The following LPP variants were observed in gnomAD, a reference collection of about 807,000 sequenced individuals.
The protein encoded by LPP is LIM domain containing preferred translocation partner in lipoma.
LPP carries 38 observed loss-of-function variants against 60.4 expected under a neutral mutation model. The observed-to-expected ratio is 0.63, with a 90% CI of 0.49 to 0.83. The LOEUF is 0.83. Among genes scored for constraint, LPP ranks in the 40% least tolerant of loss-of-function variants. The pLI is 0.00. For missense variants in LPP, 902 were observed against 783.6 expected, an observed-to-expected ratio of 1.15 and a Z score of -1.80; for synonymous variants, 328 against 290.8, an observed-to-expected ratio of 1.13 and a Z score of -1.30.
intron 1 of LPP, among the ~76,000 whole-genome samples, chr3:188,167,538 C>CAAA (rs145648006): frequency 1.3e-5 from 2 of 150,302 alleles, no homozygotes; most frequent in African/African-American, 4.9e-5. Context: ...CAAAACAAAA[C>CAAA]AAAGGCCTGC....
At chr3:188,843,378 G>A (rs1434350371) in intron 9 of LPP, among the ~76,000 whole-genome samples, 1 of 152,140 alleles carries the variant, frequency 6.6e-6, no homozygotes, top group African/African-American at 2.4e-5. Flanking sequence ...CTCTGCGCTG[G>A]CTTGGCAGTG....
chr3:188,404,617 G>T (rs1783006087), intron 3 of LPP, among the ~76,000 whole-genome samples: 2 of 152,130 alleles, frequency 1.3e-5, no homozygotes, highest in Admixed American at 1.3e-4. Context: ...CTTGTTGGTG[G>T]TGTGGACTGA....
chr3:188,747,537 A>G (rs7633130), intron 8 of LPP, among the ~76,000 whole-genome samples: 143,946 of 152,266 alleles, frequency 0.95, 68,063 homozygotes, highest in East Asian at 1. Context: ...TTTGAGAAGC[A>G]TGTTTCCTTA....
chr3:188,593,346 TTAAA>T (rs1370883383), intron 6 of LPP, among the ~76,000 whole-genome samples: 3 of 152,106 alleles, frequency 2.0e-5, no homozygotes, highest in Non-Finnish European at 4.4e-5. Flanking sequence ...CACACACAGA[TTAAA>T]TAGAGAAAAT....
chr3:188,454,786 ACAGTATGGGGGGAC>A (rs1797362920), intron 4 of LPP, among the ~76,000 whole-genome samples: 1 of 152,186 alleles, frequency 6.6e-6, no homozygotes, highest in Non-Finnish European at 1.5e-5. Flanking sequence ...TACCATGAGA[ACAGTATGGGGGGAC>A]CATCTCCATG....
chr3:188,516,081 A>C (rs990295828), intron 5 of LPP, among the ~76,000 whole-genome samples: 1 of 152,198 alleles, frequency 6.6e-6, no homozygotes, highest in Non-Finnish European at 1.5e-5. Flanking sequence ...GGTGTCATGG[A>C]AAATTAGACA....
intron 7 of LPP, among the ~76,000 whole-genome samples, chr3:188,613,661 A>G (rs1002860620): frequency 2.0e-5 from 3 of 152,118 alleles, no homozygotes; most frequent in Non-Finnish European, 4.4e-5. Flanking sequence ...AGGTCAACTA[A>G]CCATCTTTCA....
intron 2 of LPP, among the ~76,000 whole-genome samples, chr3:188,229,730 T>A (rs1381886472): frequency 6.6e-6 from 1 of 152,212 alleles, no homozygotes; most frequent in Non-Finnish European, 1.5e-5. Context: ...TTTTGCTTCC[T>A]TCCTCCTAAT....
At chr3:188,577,190 T>A (rs1213489112) in intron 6 of LPP, among the ~76,000 whole-genome samples, 1 of 152,230 alleles carries the variant, frequency 6.6e-6, no homozygotes, top group Non-Finnish European at 1.5e-5. Context: ...TCTGAAAATA[T>A]CTTTGCTATT....
chr3:188,717,241 G>A (rs903732028), intron 8 of LPP, among the ~76,000 whole-genome samples: 1 of 152,202 alleles, frequency 6.6e-6, no homozygotes, highest in African/African-American at 2.4e-5. Context: ...TTGGTCATGG[G>A]CCATAAGATA....
chr3:188,220,363 G>T (rs1362834915), intron 1 of LPP, among the ~76,000 whole-genome samples: 1 of 152,076 alleles, frequency 6.6e-6, no homozygotes, highest in South Asian at 2.1e-4. Flanking sequence ...CTTACTTGAT[G>T]TCTTATCTCT....
intron 4 of LPP, among the ~76,000 whole-genome samples, chr3:188,441,181 G>C (rs957232884): frequency 3.3e-5 from 5 of 152,132 alleles, no homozygotes; most frequent in Admixed American, 1.3e-4. Flanking sequence ...CTGCAGAGAT[G>C]ATGAGCTCCA....
intron 9 of LPP, among the ~76,000 whole-genome samples, chr3:188,765,016 GC>G (rs1733567876): frequency 6.6e-6 from 1 of 152,130 alleles, no homozygotes; most frequent in African/African-American, 2.4e-5. Flanking sequence ...TCATCAAATG[GC>G]TACAGTTAAA....
At chr3:188,742,311 A>C (rs572331891) in intron 8 of LPP, among the ~76,000 whole-genome samples, 80 of 152,250 alleles carry the variant, frequency 5.3e-4, no homozygotes, top group Non-Finnish European at 9.9e-4. Flanking sequence ...AGTGAAATGA[A>C]ACCTTTTTTT....
intron 2 of LPP, among the ~76,000 whole-genome samples, chr3:188,330,264 C>CT (rs1759642036): frequency 6.6e-6 from 1 of 152,138 alleles, no homozygotes; most frequent in Admixed American, 6.5e-5. Flanking sequence ...TATAGAGTAA[C>CT]TTTTTGGGGA....
intron 2 of LPP, among the ~76,000 whole-genome samples, chr3:188,292,781 G>A (rs1480661608): frequency 3.3e-5 from 5 of 152,182 alleles, no homozygotes; most frequent in Admixed American, 3.3e-4. Context: ...TGAAAAGCAT[G>A]CTTTATAAGG....
chr3:188,234,310 A>C (rs1721126539), intron 2 of LPP, among the ~76,000 whole-genome samples: 1 of 152,080 alleles, frequency 6.6e-6, no homozygotes, highest in African/African-American at 2.4e-5. Context: ...TCAGCTGAGG[A>C]ATGAGTGGTT....
intron 6 of LPP, among the ~76,000 whole-genome samples, chr3:188,559,518 T>C (rs1361429797): frequency 1.3e-5 from 2 of 152,184 alleles, no homozygotes; most frequent in East Asian, 3.9e-4. Context: ...AGCCTGGAAC[T>C]ATAGTATGTC....
intron 9 of LPP, among the ~76,000 whole-genome samples, chr3:188,760,916 T>C (rs955394174): frequency 6.6e-6 from 1 of 152,210 alleles, no homozygotes; most frequent in African/African-American, 2.4e-5. Context: ...AACTATATTT[T>C]AATAATATAC....
Sources: gnomAD v4.1 joint callset for allele counts (sites outside exome capture counted in the v4.1 genomes callset) on GRCh38, gnomAD v4.1.1 for gene constraint, MANE v1.5 for transcripts, NCBI Gene and HGNC (gene_info 2026-07-23, HGNC 2026-07-21) for gene names.